SKAP1: variants seen among roughly 807,000 people sequenced by gnomAD.
SKAP1 encodes src kinase associated phosphoprotein 1.
A neutral mutation model predicts 58.5 loss-of-function variants in SKAP1; 44 were observed. The observed-to-expected ratio is 0.75, with a 90% CI of 0.59 to 0.97. The LOEUF is 0.97. Among genes scored for constraint, SKAP1 ranks in the 50% least tolerant of loss-of-function variants. The probability of loss-of-function intolerance (pLI) is 0.00; values close to 1 mark genes in which losing one functional copy is unlikely to be tolerated. For missense variants in SKAP1, 390 were observed against 435.2 expected, an observed-to-expected ratio of 0.90 and a Z score of 0.92; for synonymous variants, 127 against 149.7, an observed-to-expected ratio of 0.85 and a Z score of 1.11.
At chr17:48,373,800 G>A (rs1424291120) in intron 2 of SKAP1, among the ~76,000 whole-genome samples, 1 of 152,168 alleles carries the variant, frequency 6.6e-6, no homozygotes, top group Non-Finnish European at 1.5e-5. Context: ...TGAATTAGGT[G>A]AATAGAGTTG....
the SKAP1 span, among the ~76,000 whole-genome samples, chr17:48,443,247 C>T: frequency 1.3e-5 from 2 of 152,300 alleles, no homozygotes; most frequent in African/African-American, 4.8e-5. Flanking sequence ...AAACTCACAT[C>T]CCATCTGTAA....
At chr17:48,298,170 A>T (rs1718393357) in intron 4 of SKAP1, among the ~76,000 whole-genome samples, 1 of 152,228 alleles carries the variant, frequency 6.6e-6, no homozygotes, top group African/African-American at 2.4e-5. Flanking sequence ...TTTATTGGAA[A>T]TGACAGTTCT....
intron 4 of SKAP1, among the ~76,000 whole-genome samples, chr17:48,345,585 T>A (rs1379383479): frequency 6.6e-6 from 1 of 152,154 alleles, no homozygotes; most frequent in Non-Finnish European, 1.5e-5. Context: ...TCCAAAAGAA[T>A]GGTATAAACT....
intron 4 of SKAP1, among the ~76,000 whole-genome samples, chr17:48,271,362 C>CTTT (rs35447830): frequency 3.0e-3 from 316 of 106,254 alleles, no homozygotes; most frequent in Non-Finnish European, 4.4e-3. Flanking sequence ...TTCTTTGTTT[C>CTTT]TTTTTTTTTT....
chr17:48,307,659 T>G (rs1006684422), intron 4 of SKAP1: 62 of 152,358 alleles, frequency 4.1e-4, no homozygotes, highest in African/African-American at 1.4e-3. Context: ...GAAAACAACA[T>G]TAAATTTAAA....
At position 48,170,765 on chromosome 17, in the gene SKAP1, A is replaced by G. The variant is rs1202858279; in HGVS notation, c.827-106T>C. Reference sequence around the variant, plus strand: ...TGCTCTGTTGTCTAGGCTGAAGTGCAGTGGAACGATTTTCGGTTCACTGCA... The same window carrying G: ...TGCTCTGTTGTCTAGGCTGAAGTGCGGTGGAACGATTTTCGGTTCACTGCA... On this transcript the variant is annotated intron_variant, in intron 9 of 12. Coordinates refer to ENST00000336915, the MANE Select transcript of SKAP1 (RefSeq NM_003726.4). The G allele has an allele frequency of 3.1e-6, 3 of 975,378 alleles. No homozygotes were observed. The Admixed American group carries it at 6.3e-5, about 21-fold the overall frequency. 60.4% of individuals were successfully genotyped at this position (975,378 alleles called of 1,614,324 possible). A position where few individuals can be genotyped will look rare whatever the true frequency, so the allele number is the denominator to read the frequency against.
At chr17:48,346,615 A>G (rs1197449238) in intron 3 of SKAP1, among the ~76,000 whole-genome samples, 1 of 150,956 alleles carries the variant, frequency 6.6e-6, no homozygotes, top group African/African-American at 2.5e-5. Flanking sequence ...CAACAGCGAG[A>G]CTCCATCTAA....
At chr17:48,349,609 C>T (rs944779221) in intron 3 of SKAP1, among the ~76,000 whole-genome samples, 2 of 152,134 alleles carry the variant, frequency 1.3e-5, no homozygotes, top group African/African-American at 4.8e-5. Flanking sequence ...GCTCCTGTAG[C>T]CTAAGTGTCA....
At chr17:48,169,543 C>G (rs900448175) in intron 10 of SKAP1, among the ~76,000 whole-genome samples, 2 of 152,190 alleles carry the variant, frequency 1.3e-5, no homozygotes, top group African/African-American at 4.8e-5. Flanking sequence ...GTGCATCACA[C>G]CCGCCTCCAC....
At chr17:48,189,596 A>G in intron 4 of SKAP1, 96 bp from the exon 5 acceptor site, 1 of 790,942 alleles carries the variant, frequency 1.3e-6, no homozygotes, top group Non-Finnish European at 2.1e-6. Flanking sequence ...ACAGAGTACA[A>G]AAAGGGCAAT....
chr17:48,332,460 A>G (rs148980777), intron 4 of SKAP1, among the ~76,000 whole-genome samples: 275 of 152,300 alleles, frequency 1.8e-3, no homozygotes, highest in African/African-American at 6.2e-3. Context: ...TGCTTTTATC[A>G]TTTAAAAAAT....
At chr17:48,399,838 T>C (rs1354493318) in intron 1 of SKAP1, among the ~76,000 whole-genome samples, 1 of 151,292 alleles carries the variant, frequency 6.6e-6, no homozygotes, top group Non-Finnish European at 1.5e-5. Flanking sequence ...AGATCAGGAA[T>C]AAGATAAGGA....
intron 4 of SKAP1, among the ~76,000 whole-genome samples, chr17:48,281,789 A>G (rs2144036195): frequency 6.6e-6 from 1 of 152,348 alleles, no homozygotes; most frequent in Admixed American, 6.5e-5. Flanking sequence ...GCCATTAGGC[A>G]TGCCCTCATA....
At chr17:48,293,871 G>A (rs2065929502) in intron 4 of SKAP1, among the ~76,000 whole-genome samples, 1 of 152,176 alleles carries the variant, frequency 6.6e-6, no homozygotes, top group Non-Finnish European at 1.5e-5. Context: ...CTCTATGATT[G>A]TTCCTTTAAA....
chr17:48,204,973 T>TTTCTTTCTTTCTTTC (rs1555602828), intron 4 of SKAP1, among the ~76,000 whole-genome samples: 6 of 77,322 alleles, frequency 7.8e-5, no homozygotes, highest in African/African-American at 3.7e-4. Context: ...TTTTCTTTTC[T>TTTCTTTCTTTCTTTC]TTTCTTTCTT....
At chr17:48,244,131 A>G (rs1360206690) in intron 4 of SKAP1, among the ~76,000 whole-genome samples, 1 of 152,224 alleles carries the variant, frequency 6.6e-6, no homozygotes, top group Non-Finnish European at 1.5e-5. Flanking sequence ...GACCAGAGCT[A>G]ATGTGGTTCT....
rs112142905 is a variant in SKAP1 at position 48,381,099 on chromosome 17, G to A, written c.152+15581C>T. ...GGTACAGGGAACATAGGCAACCTTTGACATTCTTATGCTCTTTCTTTGCAA... is the reference window on the plus strand; with the variant it reads ...GGTACAGGGAACATAGGCAACCTTTAACATTCTTATGCTCTTTCTTTGCAA... On this transcript the variant is annotated intron_variant, in intron 2 of 12. Coordinates refer to ENST00000336915, the MANE Select transcript of SKAP1 (RefSeq NM_003726.4). Among the ~76,000 whole-genome samples, 649 of 152,234 alleles carry A rather than the reference G, an allele frequency of 4.3e-3. 3 individuals carry two copies. The highest frequency in any genetic ancestry group is 6.1e-3 in the Non-Finnish European group (418 of 67,998).
intron 4 of SKAP1, among the ~76,000 whole-genome samples, chr17:48,275,396 G>C (rs766123866): frequency 9.2e-4 from 140 of 152,192 alleles, no homozygotes; most frequent in South Asian, 1.7e-3. Flanking sequence ...TAGCTCCTCT[G>C]TCTGCTTCAT....
intron 4 of SKAP1, among the ~76,000 whole-genome samples, chr17:48,221,527 T>C (rs1379739921): frequency 6.6e-6 from 1 of 152,218 alleles, no homozygotes; most frequent in Non-Finnish European, 1.5e-5. Context: ...AAAGAATTTG[T>C]ATTTCCTAGC....
Sources: allele counts gnomAD v4.1 joint callset (sites outside exome capture counted in the v4.1 genomes callset), GRCh38; gene constraint gnomAD v4.1.1; transcripts MANE v1.5; gene names NCBI Gene and HGNC (gene_info 2026-07-23, HGNC 2026-07-21).